Variants in TRPC4AP observed in about 807,000 individuals in gnomAD.
TRPC4AP encodes short transient receptor potential channel 4-associated protein.
In TRPC4AP, 45 loss-of-function variants were observed where a neutral mutation model predicts 99.0. The ratio of observed to expected loss-of-function variants is 0.45; its 90% confidence interval spans 0.36 to 0.58. TRPC4AP has a LOEUF of 0.58. TRPC4AP is among the 20% of genes least tolerant of loss of function. The pLI is 0.00. For synonymous variants in TRPC4AP, 408 were observed against 385.8 expected (o/e 1.06, Z -0.67); for missense variants, 879 against 985.3 (o/e 0.89, Z 1.44).
At chr20:35,009,135 G>A (rs2082577785) in intron 12 of TRPC4AP, among the ~76,000 whole-genome samples, 1 of 152,212 alleles carries the variant, frequency 6.6e-6, no homozygotes, top group African/African-American at 2.4e-5. Flanking sequence ...ACTTCCAGCT[G>A]GCCTTGGGCA....
In TRPC4AP at chr20:35,089,825, A is replaced by G. The variant is rs552706668; in HGVS notation, c.168+2789T>C. ...TGCGCCACTGCACTCCAGTCTGGGC[A>G]ACAGAGCGAGACTCCGTCTAAAAAA... On this transcript the variant is annotated intron_variant, in intron 1 of 18. Transcript: ENST00000252015. Among the ~76,000 whole-genome samples, 314 of 151,848 alleles carry G rather than the reference A, an allele frequency of 2.1e-3. 1 individual carries two copies. The Middle Eastern group carries it at 0.044, about 21-fold the overall frequency.
intron 1 of TRPC4AP, among the ~76,000 whole-genome samples, chr20:35,086,870 T>C (rs1254643556): frequency 2.0e-5 from 3 of 151,456 alleles, no homozygotes; most frequent in African/African-American, 7.3e-5. Context: ...CTGTCTTTAC[T>C]AAAAATACAA....
chr20:35,059,495 C>G (rs1202962553), intron 3 of TRPC4AP, among the ~76,000 whole-genome samples: 1 of 152,002 alleles, frequency 6.6e-6, no homozygotes, highest in Non-Finnish European at 1.5e-5. Flanking sequence ...CCCCATGTCT[C>G]TACAAATAAA....
At chr20:35,084,403 AAATT>A (rs2146033149) in intron 1 of TRPC4AP, among the ~76,000 whole-genome samples, 1 of 151,772 alleles carries the variant, frequency 6.6e-6, no homozygotes, top group South Asian at 2.1e-4. Flanking sequence ...ACAGTAAAAT[AAATT>A]AAAGGATGCA....
intron 9 of TRPC4AP, 98 bp from the exon 10 acceptor site, chr20:35,016,237 A>C: frequency 4.1e-6 from 6 of 1,451,060 alleles, no homozygotes; most frequent in Non-Finnish European, 5.7e-6. Flanking sequence ...ATTCAGGACA[A>C]GTATCAGTAC....
In TRPC4AP at chr20:35,015,990, CG is replaced by C. The variant is rs749111270; in HGVS notation, c.1350+17del. 6.0e-5 allele frequency: 97 copies of C among 1,614,020 alleles called. No homozygotes were observed. The East Asian group carries it at 1.8e-3, about 30-fold the overall frequency. On this transcript the variant is annotated intron_variant, in intron 10 of 18. Transcript: ENST00000252015. ...AAGCCAGTGAGGCCCCATCTGTCCCCGGGGGTCTCCTGCTTACCGGGCTACA... is the reference window on the plus strand; with the variant it reads ...AAGCCAGTGAGGCCCCATCTGTCCCCGGGGTCTCCTGCTTACCGGGCTACA...
chr20:35,014,637 A>C (rs912596016), intron 10 of TRPC4AP, among the ~76,000 whole-genome samples: 2 of 152,210 alleles, frequency 1.3e-5, no homozygotes, highest in Non-Finnish European at 2.9e-5. Flanking sequence ...AACATCTAGA[A>C]ATGCAAAATA....
intron 3 of TRPC4AP, among the ~76,000 whole-genome samples, chr20:35,057,991 ATG>A (rs1462200036): frequency 1.3e-5 from 2 of 152,204 alleles, no homozygotes; most frequent in South Asian, 2.1e-4. Flanking sequence ...GGTTATATGC[ATG>A]TGTTTTTTAT....
intron 16 of TRPC4AP, among the ~76,000 whole-genome samples, 160 bp downstream of exon 16, chr20:35,005,535 A>G (rs537871003): frequency 6.6e-6 from 1 of 152,368 alleles, no homozygotes; most frequent in Admixed American, 6.5e-5. Context: ...TGAACAAGGC[A>G]GCAAAGCCAA....
intron 1 of TRPC4AP, among the ~76,000 whole-genome samples, chr20:35,079,331 A>C (rs1225461938): frequency 1.3e-5 from 2 of 152,224 alleles, no homozygotes; most frequent in East Asian, 3.8e-4. Context: ...TTACAGTTAA[A>C]ATATTTTAAA....
rs771931893 is a variant in TRPC4AP, at chr20:35,003,137, G to A, written c.*9C>T. ...CTGGCCCAGCAGCCTCCCGAGGCCT[G>A]GCCCAAGGTCACTCCTCAGTGAAGT... On this transcript the variant is annotated 3_prime_UTR_variant, in exon 19 of 19. Coordinates refer to ENST00000252015, the MANE Select transcript of TRPC4AP (RefSeq NM_015638.3). 5.0e-6 allele frequency: 8 copies of A among 1,613,966 alleles called. No individual in the cohort carries two copies. In the South Asian group the frequency reaches 8.8e-5, roughly 18 times the overall value.
chr20:35,015,914 C>A, intron 10 of TRPC4AP, 94 bp downstream of exon 10: 1 of 1,536,840 alleles, frequency 6.5e-7, no homozygotes, highest in South Asian at 1.2e-5. Context: ...GCTCTACTCC[C>A]AAAGGAAAAA....
intron 1 of TRPC4AP, among the ~76,000 whole-genome samples, chr20:35,080,800 T>C (rs566348788): frequency 3.2e-5 from 2 of 61,804 alleles, no homozygotes; most frequent in African/African-American, 1.7e-4. Context: ...ACTTGTACAC[T>C]TCAGTTTTTT....
chr20:35,005,856 C>T lies in TRPC4AP; in HGVS notation c.1828-53G>A, dbSNP rs1178657316. The stretch of plus-strand genomic sequence containing the variant: ...CAGTGGGCTGCTGGCCAGGTATGGC[C>T]ATGGCCCGGGGGGATAGTCACTACA... On this transcript the variant is annotated intron_variant, in intron 15 of 18. Transcript: ENST00000252015. 4.5e-6 allele frequency: 7 copies of T among 1,555,214 alleles called. No homozygotes were observed. The East Asian group carries it at 1.6e-4, about 35-fold the overall frequency.
At chr20:35,014,798 C>T (rs951523302) in intron 10 of TRPC4AP, among the ~76,000 whole-genome samples, 3 of 152,134 alleles carry the variant, frequency 2.0e-5, no homozygotes, top group Non-Finnish European at 2.9e-5. Flanking sequence ...CCTTCTCATG[C>T]TGGTAGGCAG....
At chr20:35,035,384 A>C in intron 7 of TRPC4AP, 76 bp from the exon 8 acceptor site, 5 of 1,405,870 alleles carry the variant, frequency 3.6e-6, no homozygotes, top group Non-Finnish European at 4.8e-6. Flanking sequence ...CTAACAAACA[A>C]TCTGCATGAT....
At chr20:35,009,944 G>A (rs1024178305) in intron 12 of TRPC4AP, among the ~76,000 whole-genome samples, 19 of 152,256 alleles carry the variant, frequency 1.2e-4, no homozygotes. Flanking sequence ...TGACCTCTCT[G>A]AGGCTCACCT....
intron 18 of TRPC4AP, 60 bp from the exon 19 acceptor site, chr20:35,003,343 G>A: frequency 6.2e-7 from 1 of 1,613,350 alleles, no homozygotes; most frequent in Non-Finnish European, 8.5e-7. Flanking sequence ...CCCAGCACCG[G>A]GACACCCCTC....
chr20:35,006,290 G>T, intron 15 of TRPC4AP, 145 bp downstream of exon 15: 1 of 922,742 alleles, frequency 1.1e-6, no homozygotes, highest in Non-Finnish European at 1.6e-6. Flanking sequence ...AGACAGAGCA[G>T]GTTCCAATGA....
Sources: allele counts gnomAD v4.1 joint callset (sites outside exome capture counted in the v4.1 genomes callset), GRCh38; gene constraint gnomAD v4.1.1; transcripts MANE v1.5; gene names NCBI Gene and HGNC (gene_info 2026-07-23, HGNC 2026-07-21).